The following DENND1A variants were observed in gnomAD, a reference collection of about 807,000 sequenced individuals.
The protein encoded by DENND1A is DENN domain containing 1A.
Under a neutral mutation model 113.7 loss-of-function variants are expected in DENND1A, and 51 were observed. The observed-to-expected ratio is 0.45, with a 90% CI of 0.36 to 0.57. DENND1A has a LOEUF of 0.57. Ranked by LOEUF, DENND1A falls within the 20% of genes least tolerant of loss-of-function variation. DENND1A has a pLI of 0.00. For missense variants in DENND1A, 1,258 were observed against 1,395.9 expected (o/e 0.90, Z 1.57); for synonymous variants, 565 against 570.8 (o/e 0.99, Z 0.14).
At chr9:123,689,217 G>A (rs1310937279) in intron 5 of DENND1A, among the ~76,000 whole-genome samples, 1 of 152,066 alleles carries the variant, frequency 6.6e-6, no homozygotes, top group Admixed American at 6.5e-5. Context: ...TAAAGACGGG[G>A]TTTCATCATA....
intron 2 of DENND1A, among the ~76,000 whole-genome samples, chr9:123,820,361 T>C (rs975423436): frequency 6.6e-6 from 1 of 152,232 alleles, no homozygotes; most frequent in African/African-American, 2.4e-5. Flanking sequence ...ACTTGGCAAC[T>C]TCTGCTTTCA....
intron 7 of DENND1A, among the ~76,000 whole-genome samples, chr9:123,667,449 T>C (rs1272052179): frequency 3.3e-5 from 5 of 152,088 alleles, no homozygotes; most frequent in Non-Finnish European, 7.4e-5. Flanking sequence ...ACCCCGTTTA[T>C]ACTGAAAATA....
intron 19 of DENND1A, among the ~76,000 whole-genome samples, chr9:123,415,849 C>T (rs1320793508): frequency 1.3e-5 from 2 of 152,138 alleles, no homozygotes; most frequent in Non-Finnish European, 2.9e-5. Context: ...GTGGGGCCAT[C>T]GGCCATGGTG....
chr9:123,775,887 G>A (rs534172442), intron 3 of DENND1A, among the ~76,000 whole-genome samples: 3 of 152,204 alleles, frequency 2.0e-5, no homozygotes, highest in African/African-American at 4.8e-5. Flanking sequence ...TGCTCTCCAC[G>A]TCTCCTCTTG....
At chr9:123,453,568 C>T (rs2047894764) in intron 16 of DENND1A, among the ~76,000 whole-genome samples, 1 of 152,136 alleles carries the variant, frequency 6.6e-6, no homozygotes, top group African/African-American at 2.4e-5. Context: ...GGGGTCTACA[C>T]TACAGAGCGT....
rs1344555801 is a variant in DENND1A, at chr9:123,757,816, T to C, written c.189A>G (p.Thr63=). ...TGAAGTTCTGGCCAACTTGGCTAACTGTGAGGCTGCAGCAAAGGCAGAACA... is the reference window on the plus strand; with the variant it reads ...TGAAGTTCTGGCCAACTTGGCTAACCGTGAGGCTGCAGCAAAGGCAGAACA... ...FCFPFYVDSL[T]VSQVGQNFTF... The change falls in exon 5 of 24, where the codon ACA becomes ACG. Residue 63 remains threonine (T), a synonymous_variant. Coordinates refer to ENST00000394215, the MANE Select transcript of DENND1A (RefSeq NM_001352964.2). 1 of 1,613,726 alleles carries C rather than the reference T, an allele frequency of 6.2e-7. No homozygotes were observed. Among genetic ancestry groups the C allele is most frequent in the Non-Finnish European group, 8.5e-7 (1 of 1,179,910 alleles).
chr9:123,673,022 C>T (rs2063840791), intron 6 of DENND1A, among the ~76,000 whole-genome samples: 1 of 152,214 alleles, frequency 6.6e-6, no homozygotes, highest in South Asian at 2.1e-4. Context: ...TCTGGAACAG[C>T]TCCTCAGTCT....
chr9:123,745,672 G>C (rs1278732795), intron 5 of DENND1A, among the ~76,000 whole-genome samples: 1 of 152,206 alleles, frequency 6.6e-6, no homozygotes, highest in African/African-American at 2.4e-5. Flanking sequence ...ATGTGCACCA[G>C]TATAGCTCTT....
At chr9:123,909,738 AG>A (rs1206908747) in intron 1 of DENND1A, among the ~76,000 whole-genome samples, 1 of 152,206 alleles carries the variant, frequency 6.6e-6, no homozygotes, top group Non-Finnish European at 1.5e-5. Context: ...ATCAAAAACT[AG>A]GAAGTAAAAT....
intron 19 of DENND1A, among the ~76,000 whole-genome samples, chr9:123,418,530 G>C (rs2044941398): frequency 6.6e-6 from 1 of 152,218 alleles, no homozygotes; most frequent in African/African-American, 2.4e-5. Context: ...TGGATGAGTG[G>C]GCACCCCGCA....
At chr9:123,830,372 A>C (rs1208300035) in intron 2 of DENND1A, among the ~76,000 whole-genome samples, 1 of 152,178 alleles carries the variant, frequency 6.6e-6, no homozygotes, top group Non-Finnish European at 1.5e-5. Context: ...TAAAGAGAAG[A>C]GTATATGGGA....
rs186837590 is a variant in DENND1A at position 123,693,888 on chromosome 9, C to T, written c.303-17099G>A. Among the ~76,000 whole-genome samples the T allele has an allele frequency of 4.4e-3, 670 of 150,744 alleles. 6 individuals are homozygous for T. Among genetic ancestry groups the T allele is most frequent in the Non-Finnish European group, 7.0e-3 (474 of 67,788 alleles). Reference sequence around the variant, plus strand: ...CTTTCACCAGGCGGGAGTGCAGTGGCACAATCTCAGCTCACTGCAACATCT... The same window carrying T: ...CTTTCACCAGGCGGGAGTGCAGTGGTACAATCTCAGCTCACTGCAACATCT... On this transcript the variant is annotated intron_variant, in intron 5 of 23. Coordinates refer to ENST00000394215, the MANE Select transcript of DENND1A (RefSeq NM_001352964.2).
At chr9:123,557,541 A>G in intron 13 of DENND1A, 29 bp downstream of exon 13, 1 of 1,611,260 alleles carries the variant, frequency 6.2e-7, no homozygotes. Context: ...GACCAAACAC[A>G]GGCTCTGTGA....
At position 123,557,702 on chromosome 9, in the gene DENND1A, A is replaced by T; in HGVS notation, c.868-7T>A. The T allele has an allele frequency of 6.2e-7, 1 of 1,613,472 alleles. No individual in the cohort carries two copies. The highest frequency in any genetic ancestry group is 8.5e-7 in the Non-Finnish European group (1 of 1,179,626). On this transcript the variant is annotated splice_region_variant and splice_polypyrimidine_tract_variant and intron_variant, in intron 12 of 23. Transcript: ENST00000394215. ...TGTTCTTCAGGGAAGAGATCTGGTG[A>T]TGGAGAGAAGGAAAACACAGGTTGA...
chr9:123,538,126 A>C (rs1468385143), intron 13 of DENND1A, among the ~76,000 whole-genome samples: 1 of 152,218 alleles, frequency 6.6e-6, no homozygotes, highest in Non-Finnish European at 1.5e-5. Context: ...TGCTCATGGT[A>C]GTATGTGTAT....
At chr9:123,419,543 T>C (rs2045054800) in intron 19 of DENND1A, among the ~76,000 whole-genome samples, 1 of 152,226 alleles carries the variant, frequency 6.6e-6, no homozygotes. Context: ...TCCTGGCTAG[T>C]AGCCACATCA....
intron 1 of DENND1A, among the ~76,000 whole-genome samples, chr9:123,912,845 G>A (rs1854273731): frequency 6.6e-6 from 1 of 152,028 alleles, no homozygotes; most frequent in Non-Finnish European, 1.5e-5. Flanking sequence ...AATGGGACAA[G>A]ACCACTCCCC....
chr9:123,540,353 G>A (rs900914506), intron 13 of DENND1A, among the ~76,000 whole-genome samples: 1 of 152,200 alleles, frequency 6.6e-6, no homozygotes, highest in Non-Finnish European at 1.5e-5. Flanking sequence ...TAGAAAAGTG[G>A]TACTTGGAAC....
At chr9:123,925,615 G>A (rs1323598012) in intron 1 of DENND1A, among the ~76,000 whole-genome samples, 1 of 152,088 alleles carries the variant, frequency 6.6e-6, no homozygotes, top group Non-Finnish European at 1.5e-5. Flanking sequence ...TTAGCACACT[G>A]CCAGGCACAG....
Sources: allele counts gnomAD v4.1 joint callset (sites outside exome capture counted in the v4.1 genomes callset), GRCh38; gene constraint gnomAD v4.1.1; transcripts MANE v1.5; gene names NCBI Gene and HGNC (gene_info 2026-07-23, HGNC 2026-07-21).